The following ZNF808 variants were observed in gnomAD, a reference collection of about 807,000 sequenced individuals.
The protein encoded by ZNF808 is zinc finger protein 808.
In ZNF808, 5 loss-of-function variants were observed where a neutral mutation model predicts 8.7. The ratio of observed to expected loss-of-function variants is 0.58; its 90% CI spans 0.30 to 1.21. The LOEUF is 1.21. Among genes scored for constraint, ZNF808 ranks in the 50% most tolerant of loss-of-function variants. ZNF808 has a pLI of 0.07. For missense variants in ZNF808, 1,103 were observed against 1,098.4 expected (o/e 1.00, Z -0.06); for synonymous variants, 380 against 366.0 (o/e 1.04, Z -0.44).
chr19:52,567,634 C>T (rs1213481772), downstream of ZNF808, among the ~76,000 whole-genome samples: 1 of 151,490 alleles, frequency 6.6e-6, no homozygotes, highest in African/African-American at 2.4e-5. Flanking sequence ...AAGCGATTCT[C>T]CTGCCTCAGC....
Position 52,555,409 on chromosome 19 carries a change from A to G in ZNF808, c.2493A>G (p.Gln831=), listed in dbSNP as rs371500673. 8.2e-5 allele frequency: 132 copies of G among 1,614,142 alleles called. 2 individuals carry two copies. The South Asian group carries it at 1.0e-3, about 12-fold the overall frequency. The stretch of plus-strand genomic sequence containing the variant: ...AATGTGGAAAGGCTTTTAATGAACA[A>G]TCACACCTTTCACGTCATCATAGAA... ...CNECGKAFNE[Q]SHLSRHHRIH... The change falls in exon 5 of 5, where the codon CAA becomes CAG. Residue 831 remains glutamine (Q), a synonymous_variant. Transcript: ENST00000359798.
chr19:52,559,270 C>T (rs968123963), downstream of ZNF808, among the ~76,000 whole-genome samples: 1 of 152,068 alleles, frequency 6.6e-6, no homozygotes, highest in Non-Finnish European at 1.5e-5. Flanking sequence ...AGAAAACTGC[C>T]TTAGAGCTGG....
chr19:52,558,313 C>T (rs1224964030), downstream of ZNF808, among the ~76,000 whole-genome samples: 4 of 151,376 alleles, frequency 2.6e-5, no homozygotes, highest in Admixed American at 6.6e-5. Context: ...CCGCCTGCCT[C>T]GGCCTCCCAA....
chr19:52,561,154 T>C (rs2059855009), downstream of ZNF808, among the ~76,000 whole-genome samples: 1 of 143,514 alleles, frequency 7.0e-6, no homozygotes, highest in Non-Finnish European at 1.5e-5. Flanking sequence ...TGTACTTCTA[T>C]CTGTTCTCTC....
At chr19:52,567,734 A>T (rs1231049678), downstream of ZNF808, among the ~76,000 whole-genome samples, 1 of 151,938 alleles carries the variant, frequency 6.6e-6, no homozygotes. Flanking sequence ...TATATTGGTC[A>T]GGCTGGTCTC....
intron 2 of ZNF808, 146 bp downstream of exon 2, chr19:52,533,155 T>G (rs1166571078): frequency 1.3e-5 from 2 of 152,240 alleles, no homozygotes; most frequent in African/African-American, 4.8e-5. Flanking sequence ...CATTTTCTGT[T>G]TTCTGAGGTA....
intron 3 of ZNF808, among the ~76,000 whole-genome samples, 197 bp from the exon 4 acceptor site, chr19:52,547,315 T>C (rs1344764638): frequency 6.6e-6 from 1 of 152,102 alleles, no homozygotes; most frequent in Admixed American, 6.6e-5. Flanking sequence ...TAGTGACTTA[T>C]GGGATCTTAA....
intron 4 of ZNF808, among the ~76,000 whole-genome samples, chr19:52,551,574 C>A (rs923195705): frequency 6.6e-6 from 1 of 151,998 alleles, no homozygotes; most frequent in Admixed American, 6.6e-5. Flanking sequence ...TAGAATTCTG[C>A]GGGCTGTATA....
At chr19:52,538,330 AATT>A (rs760151370) in intron 2 of ZNF808, among the ~76,000 whole-genome samples, 4 of 124,416 alleles carry the variant, frequency 3.2e-5, no homozygotes, top group African/African-American at 2.6e-5. Flanking sequence ...CCTACATACT[AATT>A]ATTATTATTA....
rs184947044 is a variant in ZNF808, at chr19:52,550,238, T to G, written c.190+2600T>G. 4.9e-3 allele frequency among the ~76,000 whole-genome samples: 747 copies of G among 151,976 alleles called. 5 individuals carry two copies. The highest frequency in any genetic ancestry group is 0.017 in the African/African-American group (690 of 41,398). Reference sequence around the variant, plus strand: ...TTTGCCTCCAGGGTTGGTTTTTTTTTTTTGTTTTTGAGATGGAGTTTTGCT... The same window carrying G: ...TTTGCCTCCAGGGTTGGTTTTTTTTGTTTGTTTTTGAGATGGAGTTTTGCT... On this transcript the variant is annotated intron_variant, in intron 4 of 4. Coordinates refer to ENST00000359798, the MANE Select transcript of ZNF808 (RefSeq NM_001039886.4).
chr19:52,538,489 C>T (rs530761485), intron 2 of ZNF808, among the ~76,000 whole-genome samples: 1 of 150,910 alleles, frequency 6.6e-6, no homozygotes, highest in South Asian at 2.1e-4. Flanking sequence ...GGATTACAGG[C>T]ATGCGCCACC....
chr19:52,551,489 C>A (rs2059775994), intron 4 of ZNF808, among the ~76,000 whole-genome samples: 1 of 152,016 alleles, frequency 6.6e-6, no homozygotes, highest in African/African-American at 2.4e-5. Context: ...GTGATCTTAA[C>A]ATGTATTTCA....
chr19:52,553,998 A>G lies in ZNF808; in HGVS notation c.1082A>G (p.His361Arg). The change falls in exon 5 of 5, where the codon CAT becomes CGT. Residue 361 changes from histidine (H) to arginine (R), a missense_variant. His to Arg is a conservative substitution (Grantham distance 29). Transcript: ENST00000359798. ...AFNQQSHLSR[H>R]QRLHTGVKPY... ...AATCAACAATCACACCTTTCACGCC[A>G]TCAAAGACTTCATACTGGAGTGAAA... The G allele has an allele frequency of 6.2e-7, 1 of 1,614,198 alleles. No homozygotes were observed. The highest frequency in any genetic ancestry group is 1.1e-5 in the South Asian group (1 of 91,082).
Position 52,554,208 on chromosome 19 carries a change from A to T in ZNF808, c.1292A>T (p.Glu431Val), listed in dbSNP as rs1203214911. Reference protein sequence around the residue: ...HTGEKPYKCEECDKVFSQKST... With the variant: ...HTGEKPYKCEVCDKVFSQKST... ...GGAGAGAAACCTTACAAATGTGAAGAATGTGACAAAGTTTTCAGTCAGAAA... is the reference window on the plus strand; with the variant it reads ...GGAGAGAAACCTTACAAATGTGAAGTATGTGACAAAGTTTTCAGTCAGAAA... Residue 431 changes from glutamate to valine, a missense_variant, in exon 5 of 5, where the codon GAA becomes GTA. Transcript: ENST00000359798. The T allele has an allele frequency of 6.2e-7, 1 of 1,613,330 alleles. No homozygotes were observed. The highest frequency in any genetic ancestry group is 8.5e-7 in the Non-Finnish European group (1 of 1,179,610).
chr19:52,543,675 G>A (rs1271583139), intron 3 of ZNF808, among the ~76,000 whole-genome samples: 2 of 152,202 alleles, frequency 1.3e-5, no homozygotes, highest in East Asian at 1.9e-4. Context: ...TTGTTCAGGG[G>A]CCACATCTGG....
intron 3 of ZNF808, among the ~76,000 whole-genome samples, chr19:52,562,687 A>G (rs2059861821): frequency 2.0e-5 from 3 of 152,216 alleles, no homozygotes; most frequent in Non-Finnish European, 4.4e-5. Context: ...AACTAAGGGC[A>G]ATGCATGTAC....
At chr19:52,559,388 CATTT>C (rs1315307988), downstream of ZNF808, among the ~76,000 whole-genome samples, 1 of 152,076 alleles carries the variant, frequency 6.6e-6, no homozygotes, top group African/African-American at 2.4e-5. Flanking sequence ...ATGACAGAGA[CATTT>C]GTTCAGGTTT....
At chr19:52,535,571 C>T (rs1446724219) in intron 2 of ZNF808, among the ~76,000 whole-genome samples, 2 of 152,160 alleles carry the variant, frequency 1.3e-5, no homozygotes, top group African/African-American at 4.8e-5. Context: ...CCTGAGCACT[C>T]CGTCCCGCAT....
intron 3 of ZNF808, among the ~76,000 whole-genome samples, chr19:52,561,417 T>C (rs2059857879): frequency 6.6e-6 from 1 of 152,070 alleles, no homozygotes; most frequent in Non-Finnish European, 1.5e-5. Context: ...ACTACTGTGC[T>C]TAAAAACATG....
Sources: gnomAD v4.1 joint callset for allele counts (sites outside exome capture counted in the v4.1 genomes callset) on GRCh38, gnomAD v4.1.1 for gene constraint, MANE v1.5 for transcripts, NCBI Gene and HGNC (gene_info 2026-07-23, HGNC 2026-07-21) for gene names.